The following ROBO2 variants were observed in gnomAD, a reference collection of about 807,000 sequenced individuals.
ROBO2 encodes the protein roundabout guidance receptor 2, also known as roundabout homolog 2.
A neutral mutation model predicts 160.8 loss-of-function variants in ROBO2; 53 were observed. The ratio of observed to expected loss-of-function variants is 0.33; its 90% CI spans 0.26 to 0.41. The LOEUF (loss-of-function observed/expected upper bound fraction) is 0.41, where lower values mean the gene tolerates loss of function less well. Among genes scored for constraint, ROBO2 ranks in the 10% least tolerant of loss-of-function variants. The pLI is 1.00. For synonymous variants in ROBO2, 664 were observed against 611.7 expected (o/e 1.09, Z -1.26); for missense variants, 1,577 against 1,722.4 (o/e 0.92, Z 1.49).
chr3:77,427,738 T>C (rs10212396), intron 2 of ROBO2, among the ~76,000 whole-genome samples: 18,707 of 152,224 alleles, frequency 0.12, 1,409 homozygotes, highest in East Asian at 0.29. Context: ...TGCTGACTCA[T>C]CTCACCTGAA....
intron 1 of ROBO2, among the ~76,000 whole-genome samples, chr3:77,086,228 AAG>A (rs1390423106): frequency 6.6e-6 from 1 of 152,092 alleles, no homozygotes; most frequent in African/African-American, 2.4e-5. Context: ...ATACTAATAA[AAG>A]AGTTATACAT....
intron 2 of ROBO2, among the ~76,000 whole-genome samples, chr3:76,817,330 G>C (rs1559551856): frequency 6.6e-6 from 1 of 152,012 alleles, no homozygotes; most frequent in Non-Finnish European, 1.5e-5. Flanking sequence ...ATTATATGTG[G>C]TTTTGTAGAG....
chr3:77,261,502 T>C (rs2058770462), intron 2 of ROBO2, among the ~76,000 whole-genome samples: 1 of 152,122 alleles, frequency 6.6e-6, no homozygotes, highest in Admixed American at 6.5e-5. Flanking sequence ...AAAAAGGAGA[T>C]TTTATTGTGG....
intron 2 of ROBO2, among the ~76,000 whole-genome samples, chr3:77,383,294 T>C (rs1215277217): frequency 6.6e-6 from 1 of 152,108 alleles, no homozygotes; most frequent in East Asian, 1.9e-4. Context: ...TTTAGACACA[T>C]ACTGCACTGT....
At chr3:76,437,086 T>C (rs942079282) in intron 2 of ROBO2, among the ~76,000 whole-genome samples, 3 of 152,202 alleles carry the variant, frequency 2.0e-5, no homozygotes, top group Non-Finnish European at 4.4e-5. Context: ...CAAGACTATA[T>C]GAGTCATTGT....
chr3:77,166,760 C>G (rs1426705226), intron 2 of ROBO2, among the ~76,000 whole-genome samples: 3 of 152,074 alleles, frequency 2.0e-5, no homozygotes, highest in Non-Finnish European at 4.4e-5. Context: ...TGGTGTTTCA[C>G]CGGTTAGCCA....
chr3:76,401,797 G>T (rs2077835432), intron 2 of ROBO2, among the ~76,000 whole-genome samples: 1 of 151,152 alleles, frequency 6.6e-6, no homozygotes, highest in South Asian at 2.1e-4. Context: ...AAATTGAATA[G>T]AATAATTTGT....
intron 2 of ROBO2, among the ~76,000 whole-genome samples, chr3:76,265,388 G>C (rs1707036712): frequency 6.6e-6 from 1 of 152,004 alleles, no homozygotes; most frequent in Non-Finnish European, 1.5e-5. Context: ...TTTTATAAAA[G>C]TATCTTCAAC....
intron 2 of ROBO2, among the ~76,000 whole-genome samples, chr3:76,748,412 A>T (rs1044979738): frequency 3.5e-4 from 53 of 151,764 alleles, no homozygotes; most frequent in Non-Finnish European, 2.5e-4. Context: ...ATATGAATTG[A>T]TTTGCCTTAT....
chr3:76,526,020 T>C (rs1335210509), intron 2 of ROBO2, among the ~76,000 whole-genome samples: 1 of 151,890 alleles, frequency 6.6e-6, no homozygotes, highest in Non-Finnish European at 1.5e-5. Context: ...TAAAAACAGA[T>C]GACAAATCAT....
At chr3:76,196,770 T>A (rs1559631211) in intron 2 of ROBO2, among the ~76,000 whole-genome samples, 1 of 152,142 alleles carries the variant, frequency 6.6e-6, no homozygotes, top group Non-Finnish European at 1.5e-5. Flanking sequence ...TATTCTGCTC[T>A]TTTCCCAAGG....
In ROBO2 at chr3:77,157,613, A is replaced by G. The variant is rs115042190; in HGVS notation, c.388+59273A>G. On this transcript the variant is annotated intron_variant, in intron 2 of 25. Transcript: ENST00000461745. The stretch of plus-strand genomic sequence containing the variant: ...GGTGAGGACTTGTTAGCAATTAGTA[A>G]TATGTGAAGAAACTGTCTGTTCCCT... 6.2e-3 allele frequency among the ~76,000 whole-genome samples: 943 copies of G among 152,192 alleles called. 12 individuals carry two copies. The highest frequency in any genetic ancestry group is 0.022 in the African/African-American group (900 of 41,552).
chr3:76,611,817 G>T (rs1410089116), intron 2 of ROBO2, among the ~76,000 whole-genome samples: 1 of 151,788 alleles, frequency 6.6e-6, no homozygotes, highest in East Asian at 1.9e-4. Context: ...GATTTGGATT[G>T]CTCTTGCTTT....
chr3:77,314,240 C>G (rs1392947402), intron 2 of ROBO2, among the ~76,000 whole-genome samples: 1 of 152,136 alleles, frequency 6.6e-6, no homozygotes, highest in Non-Finnish European at 1.5e-5. Context: ...CGGCAAGCAC[C>G]AATAATGATT....
At chr3:76,306,716 G>A (rs964754443) in intron 2 of ROBO2, among the ~76,000 whole-genome samples, 2 of 152,116 alleles carry the variant, frequency 1.3e-5, no homozygotes, top group South Asian at 2.1e-4. Context: ...GACTTTGTCT[G>A]ATTATTCTTA....
intron 2 of ROBO2, among the ~76,000 whole-genome samples, chr3:76,618,576 T>C (rs980530354): frequency 2.6e-5 from 4 of 151,668 alleles, no homozygotes; most frequent in African/African-American, 7.3e-5. Context: ...TCTGTGACTC[T>C]TCAAACTACC....
intron 4 of ROBO2, among the ~76,000 whole-genome samples, chr3:77,483,795 G>C (rs1412545749): frequency 6.8e-6 from 1 of 148,106 alleles, no homozygotes; most frequent in Non-Finnish European, 1.5e-5. Flanking sequence ...ATATAATAAA[G>C]TTACATTTAA....
chr3:76,309,503 T>C (rs2071476431), intron 2 of ROBO2, among the ~76,000 whole-genome samples: 1 of 152,212 alleles, frequency 6.6e-6, no homozygotes, highest in South Asian at 2.1e-4. Flanking sequence ...TTGTAATAAC[T>C]GTATTTTCAA....
At chr3:76,120,640 G>A (rs2108286853) in intron 2 of ROBO2, among the ~76,000 whole-genome samples, 1 of 152,180 alleles carries the variant, frequency 6.6e-6, no homozygotes, top group South Asian at 2.1e-4. Flanking sequence ...TAAAGATCTT[G>A]CCACATATCA....
Sources: allele counts gnomAD v4.1 joint callset (sites outside exome capture counted in the v4.1 genomes callset), GRCh38; gene constraint gnomAD v4.1.1; transcripts MANE v1.5; gene names NCBI Gene and HGNC (gene_info 2026-07-23, HGNC 2026-07-21).